PREX2: variants seen among roughly 807,000 people sequenced by gnomAD.
The protein encoded by PREX2 is phosphatidylinositol 3,4,5-trisphosphate-dependent Rac exchanger 2 protein.
A neutral mutation model predicts 203.2 loss-of-function variants in PREX2; 107 were observed. The ratio of observed to expected loss-of-function variants is 0.53; its 90% confidence interval spans 0.45 to 0.62. The LOEUF (loss-of-function observed/expected upper bound fraction) is 0.62. PREX2 is among the 20% of genes least tolerant of loss of function. The pLI is 0.00. For missense variants in PREX2, 1,777 were observed against 1,955.9 expected (o/e 0.91, Z 1.72); for synonymous variants, 672 against 663.6 (o/e 1.01, Z -0.19).
At chr8:68,002,856 G>A (rs1806982727) in intron 1 of PREX2, among the ~76,000 whole-genome samples, 1 of 152,158 alleles carries the variant, frequency 6.6e-6, no homozygotes, top group Non-Finnish European at 1.5e-5. Context: ...ATTGTAGTTT[G>A]CAGACTGGTT....
chr8:68,018,284 A>G (rs1161113868), intron 2 of PREX2, among the ~76,000 whole-genome samples: 1 of 152,064 alleles, frequency 6.6e-6, no homozygotes, highest in Non-Finnish European at 1.5e-5. Context: ...CCTGACCAAC[A>G]TGGAGAAACC....
chr8:68,161,116 A>G (rs1470659887), intron 35 of PREX2, among the ~76,000 whole-genome samples: 1 of 141,178 alleles, frequency 7.1e-6, no homozygotes, highest in South Asian at 2.2e-4. Flanking sequence ...TGGGGGGGGG[A>G]CAGAGTCTCC....
intron 34 of PREX2, 103 bp downstream of exon 34, chr8:68,146,455 GA>G: frequency 1.9e-6 from 2 of 1,046,860 alleles, no homozygotes; most frequent in East Asian, 5.4e-5. Flanking sequence ...AAATTAATTT[GA>G]AAATATTATT....
chr8:68,233,024 G>T lies in PREX2; in HGVS notation c.*1646G>T, dbSNP rs548791066. 1.3e-5 allele frequency: 2 copies of T among 152,250 alleles called. No individual in the cohort carries two copies. The highest frequency in any genetic ancestry group is 2.1e-4 in the South Asian group (1 of 4,826). The allele number at this position is 152,250 out of a possible 1,614,324, so 9.4% of individuals were successfully genotyped here. A position where few individuals can be genotyped will look rare whatever the true frequency, so the allele number is the denominator to read the frequency against. ...GAATAACAAAAATACCATGTTACAT[G>T]TGTAGGCAATATGTGTATACTACTA... is the stretch of plus-strand genomic sequence containing the variant. On this transcript the variant is annotated 3_prime_UTR_variant, in exon 40 of 40. Coordinates refer to ENST00000288368, the MANE Select transcript of PREX2 (RefSeq NM_024870.4).
intron 7 of PREX2, among the ~76,000 whole-genome samples, chr8:68,043,661 G>A (rs957441129): frequency 6.6e-6 from 1 of 151,978 alleles, no homozygotes; most frequent in African/African-American, 2.4e-5. Context: ...TGAGTGACTA[G>A]GTATTTTTTA....
chr8:68,165,510 C>G (rs1811744071), intron 35 of PREX2, among the ~76,000 whole-genome samples: 1 of 151,922 alleles, frequency 6.6e-6, no homozygotes, highest in Non-Finnish European at 1.5e-5. Flanking sequence ...CAGGCATTCC[C>G]CAGAACCAGA....
At chr8:68,010,685 T>C (rs758242253) in intron 1 of PREX2, among the ~76,000 whole-genome samples, 1 of 152,200 alleles carries the variant, frequency 6.6e-6, no homozygotes, top group African/African-American at 2.4e-5. Flanking sequence ...AGCTGGCCTC[T>C]CATAAATGCT....
At chr8:68,083,156 AC>A (rs1809581351) in intron 17 of PREX2, 83 bp from the exon 18 acceptor site, 1 of 1,022,264 alleles carries the variant, frequency 9.8e-7, no homozygotes, top group African/African-American at 1.8e-5. Flanking sequence ...AAGCTCTGAA[AC>A]TTTTCATATT....
chr8:67,983,900 T>C (rs1273570900), intron 1 of PREX2, among the ~76,000 whole-genome samples: 2 of 152,144 alleles, frequency 1.3e-5, no homozygotes, highest in African/African-American at 4.8e-5. Context: ...CCCAGCATCA[T>C]AGGGTTGCTG....
At chr8:68,061,486 G>A (rs917173358) in intron 11 of PREX2, among the ~76,000 whole-genome samples, 1 of 152,206 alleles carries the variant, frequency 6.6e-6, no homozygotes, top group Non-Finnish European at 1.5e-5. Context: ...CCCTCAGGGG[G>A]CCCTGCTGCA....
chr8:68,175,494 G>C (rs751312348), intron 35 of PREX2, among the ~76,000 whole-genome samples: 5 of 152,116 alleles, frequency 3.3e-5, no homozygotes, highest in Non-Finnish European at 7.3e-5. Context: ...TACTGGTTAG[G>C]AAACATAAAC....
At chr8:67,991,077 A>T (rs1455264612) in intron 1 of PREX2, among the ~76,000 whole-genome samples, 1 of 152,216 alleles carries the variant, frequency 6.6e-6, no homozygotes, top group Non-Finnish European at 1.5e-5. Flanking sequence ...TTCATTAATC[A>T]TAGTAATATT....
intron 33 of PREX2, among the ~76,000 whole-genome samples, chr8:68,139,582 T>G (rs928842045): frequency 2.0e-5 from 3 of 152,162 alleles, no homozygotes; most frequent in African/African-American, 7.2e-5. Context: ...CTGTGTTAAA[T>G]AGACTATTCT....
At chr8:68,153,936 G>C (rs1011887991) in intron 34 of PREX2, among the ~76,000 whole-genome samples, 1 of 152,224 alleles carries the variant, frequency 6.6e-6, no homozygotes, top group Non-Finnish European at 1.5e-5. Flanking sequence ...TGAGATTGTA[G>C]AAGTATTCAT....
intron 18 of PREX2, among the ~76,000 whole-genome samples, chr8:68,084,320 T>C (rs1469464344): frequency 6.6e-6 from 1 of 152,142 alleles, no homozygotes; most frequent in East Asian, 1.9e-4. Context: ...GCAAATGAAA[T>C]TTAGCACTTC....
chr8:67,980,699 T>C (rs113724113), intron 1 of PREX2, among the ~76,000 whole-genome samples: 86 of 152,338 alleles, frequency 5.6e-4, no homozygotes, highest in African/African-American at 1.9e-3. Context: ...CCCCATACTG[T>C]TCTCATGATA....
chr8:68,225,272 GA>G (rs1813036187), intron 39 of PREX2, among the ~76,000 whole-genome samples: 2 of 151,064 alleles, frequency 1.3e-5, no homozygotes, highest in Non-Finnish European at 2.9e-5. Flanking sequence ...AGAAATGAAT[GA>G]TTTTTTTGTT....
intron 23 of PREX2, among the ~76,000 whole-genome samples, chr8:68,102,158 A>G (rs949022291): frequency 2.6e-5 from 4 of 152,166 alleles, no homozygotes; most frequent in African/African-American, 9.7e-5. Context: ...TTGTTAGTTG[A>G]GTCTCAAAAC....
chr8:68,047,469 TTATATATATATATATATA>T (rs3056653), intron 8 of PREX2, among the ~76,000 whole-genome samples: 2,048 of 117,604 alleles, frequency 0.017, 66 homozygotes, highest in African/African-American at 0.063. Context: ...ATGGATGAAT[TTATATATATATATATATA>T]TATATATATA....
Sources: allele counts gnomAD v4.1 joint callset (sites outside exome capture counted in the v4.1 genomes callset), GRCh38; gene constraint gnomAD v4.1.1; transcripts MANE v1.5; gene names NCBI Gene and HGNC (gene_info 2026-07-23, HGNC 2026-07-21).